OR2AG2: variants seen among roughly 807,000 people sequenced by gnomAD.
The protein encoded by OR2AG2 is olfactory receptor family 2 subfamily AG member 2.
For missense variants in OR2AG2, 390 were observed against 391.9 expected, an observed-to-expected ratio of 1.00 and a Z score of 0.04; for synonymous variants, 167 against 157.1, an observed-to-expected ratio of 1.06 and a Z score of -0.47.
Position 6,767,976 on chromosome 11 carries a change from G to A in OR2AG2, c.*31C>T. Reference sequence around the variant, plus strand: ...TGAGTAGAGAATTTTATCTGGAGGAGGAATGGTGAGAGGCAAGCCATGATC... The same window carrying A: ...TGAGTAGAGAATTTTATCTGGAGGAAGAATGGTGAGAGGCAAGCCATGATC... On this transcript the variant is annotated 3_prime_UTR_variant, in exon 2 of 2. Coordinates refer to ENST00000641124, the MANE Select transcript of OR2AG2 (RefSeq NM_001004490.2). 6.5e-7 allele frequency: 1 copy of A among 1,547,334 alleles called. No homozygotes were observed. The highest frequency in any genetic ancestry group is 8.8e-7 in the Non-Finnish European group (1 of 1,139,122).
chr11:6,768,921 T>C lies in OR2AG2; in HGVS notation c.37A>G (p.Ile13Val). ...CTGTCATTCAGAATCCCCACCAAGA[T>C]GAAGCCGCTTCCCAAGGTGGAGTTC... Reference protein sequence around the residue: ...LRNSTLGSGFILVGILNDSGS... With the variant: ...LRNSTLGSGFVLVGILNDSGS... The change falls in exon 2 of 2, where the codon ATC becomes GTC. Residue 13 changes from isoleucine to valine, a missense_variant. Physicochemically the swap from Ile to Val is conservative, Grantham distance 29. Transcript: ENST00000641124. The C allele has an allele frequency of 1.2e-6, 2 of 1,612,160 alleles. No homozygotes were observed. The highest frequency in any genetic ancestry group is 1.7e-6 in the Non-Finnish European group (2 of 1,178,358).
At position 6,769,057 on chromosome 11, in the gene OR2AG2, T is replaced by C. The variant is rs1847417188; in HGVS notation, c.-100A>G. On this transcript the variant is annotated 5_prime_UTR_variant, in exon 2 of 2. Coordinates refer to ENST00000641124, the MANE Select transcript of OR2AG2 (RefSeq NM_001004490.2). ...TGGATTGTTCTAGGTCACTGTGCAT[T>C]GGCCAATAGGAATCCCATAATATGA... 9.5e-6 allele frequency: 7 copies of C among 735,922 alleles called. No homozygotes were observed. In the Middle Eastern group the frequency reaches 2.6e-3, roughly 275 times the overall value. 45.6% of individuals were successfully genotyped at this position (735,922 alleles called of 1,614,324 possible). A position where few individuals can be genotyped will look rare whatever the true frequency, so the allele number is the denominator to read the frequency against.
chr11:6,768,991 A>G lies in OR2AG2; in HGVS notation c.-34T>C, dbSNP rs1847416483. On this transcript the variant is annotated 5_prime_UTR_variant, in exon 2 of 2. Coordinates refer to ENST00000641124, the MANE Select transcript of OR2AG2 (RefSeq NM_001004490.2). The stretch of plus-strand genomic sequence containing the variant: ...TTTTTAGTTGCCTAGAACCAAATAT[A>G]TTATCAGTGGAAGCTTTTCTAAAGG... 2 of 1,493,334 alleles carry G rather than the reference A, an allele frequency of 1.3e-6. No homozygotes were observed. Among genetic ancestry groups the G allele is most frequent in the South Asian group, 1.2e-5 (1 of 82,952 alleles). The allele number at this position is 1,493,334 out of a possible 1,614,324, so 92.5% of individuals were successfully genotyped here. A position where few individuals can be genotyped will look rare whatever the true frequency, so the allele number is the denominator to read the frequency against.
chr11:6,768,142 G>A lies in OR2AG2; in HGVS notation c.816C>T (p.Asn272=), dbSNP rs1414054216. 1 of 1,614,186 alleles carries A rather than the reference G, an allele frequency of 6.2e-7. No individual in the cohort carries two copies. The highest frequency in any genetic ancestry group is 8.5e-7 in the Non-Finnish European group (1 of 1,180,014). ...PSSFHSPKQD[N]IISVFYTIVT... is the part of the protein sequence containing the mutation. ...CAATTGTGTAGAAAACAGAGATGAT[G>A]TTGTCTTGTTTGGGGCTGTGGAAGG... Residue 272 remains asparagine (N), a synonymous_variant, in exon 2 of 2, where the codon AAC becomes AAT. Coordinates refer to ENST00000641124, the MANE Select transcript of OR2AG2 (RefSeq NM_001004490.2).
chr11:6,767,890 A>G lies in OR2AG2; in HGVS notation c.*117T>C. Reference sequence around the variant, plus strand: ...GTAAAATTTAAAAAATGTATCTATCATCTCAGAGTACAGTATTGAAGAATG... The same window carrying G: ...GTAAAATTTAAAAAATGTATCTATCGTCTCAGAGTACAGTATTGAAGAATG... On this transcript the variant is annotated 3_prime_UTR_variant, in exon 2 of 2. Transcript: ENST00000641124. 1 of 806,396 alleles carries G rather than the reference A, an allele frequency of 1.2e-6. No individual in the cohort carries two copies. The highest frequency in any genetic ancestry group is 3.0e-5 in the Admixed American group (1 of 33,702). 50.0% of individuals were successfully genotyped at this position (806,396 alleles called of 1,614,324 possible). A position where few individuals can be genotyped will look rare whatever the true frequency, so the allele number is the denominator to read the frequency against.
rs1282032080 is a variant in OR2AG2 at position 6,768,758 on chromosome 11, G to A, written c.200C>T (p.Ser67Phe). ...AGATGTGAACAGGAGGTCCATGAGA[G>A]AGAGCTGCCCAAGCAGGAGGTACAT... ...MPMYLLLGQL[S>F]LMDLLFTSVV... The change falls in exon 2 of 2, where the codon TCT (serine) becomes TTT (phenylalanine). Residue 67 changes from serine (S) to phenylalanine (F), a missense_variant. Ser to Phe is a radical substitution (Grantham distance 155). Coordinates refer to ENST00000641124, the MANE Select transcript of OR2AG2 (RefSeq NM_001004490.2). 6 of 1,614,056 alleles carry A rather than the reference G, an allele frequency of 3.7e-6. No individual in the cohort carries two copies. Among genetic ancestry groups the A allele is most frequent in the Non-Finnish European group, 5.1e-6 (6 of 1,180,040 alleles).
chr11:6,770,470 C>T (rs1475260730), intron 1 of OR2AG2, among the ~76,000 whole-genome samples: 1 of 152,030 alleles, frequency 6.6e-6, no homozygotes, highest in African/African-American at 2.4e-5. Context: ...GAATGTCCTC[C>T]TTGCACTTTT....
At position 6,766,508 on chromosome 11, in the gene OR2AG2, CTTTTA is replaced by C. The variant is rs1387416762; in HGVS notation, c.*1494_*1498del. 2 of 151,756 alleles carry C rather than the reference CTTTTA, an allele frequency of 1.3e-5. No homozygotes were observed. The highest frequency in any genetic ancestry group is 4.8e-5 in the African/African-American group (2 of 41,360). The allele number at this position is 151,756 out of a possible 1,614,324, so 9.4% of individuals were successfully genotyped here. Reference sequence around the variant, plus strand: ...GATTAATTTTATAGATTAGCTTTATCTTTTATTTTTTATGGTTTAGCTTTATAGAT... The same window carrying C: ...GATTAATTTTATAGATTAGCTTTATCTTTTTTATGGTTTAGCTTTATAGAT... On this transcript the variant is annotated 3_prime_UTR_variant, in exon 2 of 2. Transcript: ENST00000641124.
At position 6,768,983 on chromosome 11, in the gene OR2AG2, C is replaced by T; in HGVS notation, c.-26G>A. 6.5e-7 allele frequency: 1 copy of T among 1,536,726 alleles called. No individual in the cohort carries two copies. Among genetic ancestry groups the T allele is most frequent in the Non-Finnish European group, 8.9e-7 (1 of 1,120,314 alleles). ...GATGTGTTTTTTTAGTTGCCTAGAA[C>T]CAAATATATTATCAGTGGAAGCTTT... On this transcript the variant is annotated 5_prime_UTR_variant, in exon 2 of 2. Transcript: ENST00000641124.
Position 6,767,730 on chromosome 11 carries a change from T to C in OR2AG2, c.*277A>G. 2.4e-6 allele frequency: 1 copy of C among 417,900 alleles called. No homozygotes were observed. The highest frequency in any genetic ancestry group is 4.2e-6 in the Non-Finnish European group (1 of 235,296). 25.9% of individuals were successfully genotyped at this position (417,900 alleles called of 1,614,324 possible). A position where few individuals can be genotyped will look rare whatever the true frequency, so the allele number is the denominator to read the frequency against. ...AGGACGATGCCTACCACAGAGTGAG[T>C]CTACAACACCCATTCAAGGCTTTTC... On this transcript the variant is annotated 3_prime_UTR_variant, in exon 2 of 2. Transcript: ENST00000641124.
chr11:6,771,508 A>T (rs1034259123), intron 1 of OR2AG2, 114 bp downstream of exon 1: 1 of 152,290 alleles, frequency 6.6e-6, no homozygotes, highest in Non-Finnish European at 1.5e-5. Flanking sequence ...TGAGTGAATC[A>T]TAAAGCCTGA....
At position 6,768,513 on chromosome 11, in the gene OR2AG2, A is replaced by G. The variant is rs1305075806; in HGVS notation, c.445T>C (p.Trp149Arg). ...RVCWIMVATS[W>R]ILASLIAIGH... ...ATAGCAATCAGGGATGCCAGGATCC[A>G]GGATGTGGCCACCATGATCCAGCAG... Residue 149 changes from tryptophan to arginine, a missense_variant, in exon 2 of 2, where the codon TGG (tryptophan) becomes CGG (arginine). Transcript: ENST00000641124. 6.2e-7 allele frequency: 1 copy of G among 1,614,170 alleles called. No individual in the cohort carries two copies. The highest frequency in any genetic ancestry group is 1.1e-5 in the South Asian group (1 of 91,080).
chr11:6,770,269 T>C (rs925858489), intron 1 of OR2AG2, among the ~76,000 whole-genome samples: 4 of 150,512 alleles, frequency 2.7e-5, no homozygotes, highest in Non-Finnish European at 5.9e-5. Flanking sequence ...GAAAAAAAAA[T>C]ACATGAAAGA....
chr11:6,767,970 G>A lies in OR2AG2; in HGVS notation c.*37C>T, dbSNP rs1348777549. The A allele has an allele frequency of 5.9e-6, 9 of 1,522,574 alleles. No homozygotes were observed. The Admixed American group carries it at 1.7e-4, about 29-fold the overall frequency. 94.3% of individuals were successfully genotyped at this position (1,522,574 alleles called of 1,614,324 possible). A position where few individuals can be genotyped will look rare whatever the true frequency, so the allele number is the denominator to read the frequency against. On this transcript the variant is annotated 3_prime_UTR_variant, in exon 2 of 2. Transcript: ENST00000641124. ...AATGAGTGAGTAGAGAATTTTATCT[G>A]GAGGAGGAATGGTGAGAGGCAAGCC...
Position 6,768,998 on chromosome 11 carries a change from G to C in OR2AG2, c.-41C>G. 1.4e-6 allele frequency: 2 copies of C among 1,456,596 alleles called. No homozygotes were observed. The highest frequency in any genetic ancestry group is 1.9e-6 in the Non-Finnish European group (2 of 1,057,010). The allele number at this position is 1,456,596 out of a possible 1,614,324, so 90.2% of individuals were successfully genotyped here. Reference sequence around the variant, plus strand: ...TTGCCTAGAACCAAATATATTATCAGTGGAAGCTTTTCTAAAGGTGTTCAC... The same window carrying C: ...TTGCCTAGAACCAAATATATTATCACTGGAAGCTTTTCTAAAGGTGTTCAC... On this transcript the variant is annotated 5_prime_UTR_variant, in exon 2 of 2. Transcript: ENST00000641124.
At position 6,766,501 on chromosome 11, in the gene OR2AG2, G is replaced by C. The variant is rs1847376086; in HGVS notation, c.*1506C>G. ...AAAGTTGGATTAATTTTATAGATTA[G>C]CTTTATCTTTTATTTTTTATGGTTT... is the stretch of plus-strand genomic sequence containing the variant. On this transcript the variant is annotated 3_prime_UTR_variant, in exon 2 of 2. Transcript: ENST00000641124. The C allele has an allele frequency of 6.6e-6, 1 of 151,652 alleles. No homozygotes were observed. Among genetic ancestry groups the C allele is most frequent in the Non-Finnish European group, 1.5e-5 (1 of 67,904 alleles). The allele number at this position is 151,652 out of a possible 1,614,324, so 9.4% of individuals were successfully genotyped here. A position where few individuals can be genotyped will look rare whatever the true frequency, so the allele number is the denominator to read the frequency against.
Position 6,767,967 on chromosome 11 carries a change from T to C in OR2AG2, c.*40A>G, listed in dbSNP as rs535510241. The C allele has an allele frequency of 2.5e-5, 38 of 1,520,134 alleles. No individual in the cohort carries two copies. In the East Asian group the frequency reaches 7.9e-4, roughly 32 times the overall value. The allele number at this position is 1,520,134 out of a possible 1,614,324, so 94.2% of individuals were successfully genotyped here. A position where few individuals can be genotyped will look rare whatever the true frequency, so the allele number is the denominator to read the frequency against. On this transcript the variant is annotated 3_prime_UTR_variant, in exon 2 of 2. Coordinates refer to ENST00000641124, the MANE Select transcript of OR2AG2 (RefSeq NM_001004490.2). Reference sequence around the variant, plus strand: ...AGGAATGAGTGAGTAGAGAATTTTATCTGGAGGAGGAATGGTGAGAGGCAA... The same window carrying C: ...AGGAATGAGTGAGTAGAGAATTTTACCTGGAGGAGGAATGGTGAGAGGCAA...
chr11:6,767,803 G>T lies in OR2AG2; in HGVS notation c.*204C>A. On this transcript the variant is annotated 3_prime_UTR_variant, in exon 2 of 2. Transcript: ENST00000641124. ...CATGGGTTTCCAAAGTCAGGATGAT[G>T]TGTGCCAAATGAGTTTAACTCAAGA... 1 of 534,996 alleles carries T rather than the reference G, an allele frequency of 1.9e-6. No homozygotes were observed. Among genetic ancestry groups the T allele is most frequent in the Non-Finnish European group, 3.2e-6 (1 of 308,352 alleles). 33.1% of individuals were successfully genotyped at this position (534,996 alleles called of 1,614,324 possible).
Position 6,767,992 on chromosome 11 carries a change from AGC to A in OR2AG2, c.*13_*14del, listed in dbSNP as rs773651101. The stretch of plus-strand genomic sequence containing the variant: ...TCTGGAGGAGGAATGGTGAGAGGCA[AGC>A]CATGATCCTTCCCTAGAGCGTGGAA... On this transcript the variant is annotated 3_prime_UTR_variant, in exon 2 of 2. Coordinates refer to ENST00000641124, the MANE Select transcript of OR2AG2 (RefSeq NM_001004490.2). 6.3e-7 allele frequency: 1 copy of A among 1,584,924 alleles called. No individual in the cohort carries two copies. The highest frequency in any genetic ancestry group is 1.3e-5 in the African/African-American group (1 of 74,312).
Sources: allele counts gnomAD v4.1 joint callset (sites outside exome capture counted in the v4.1 genomes callset), GRCh38; gene constraint gnomAD v4.1.1; transcripts MANE v1.5; gene names NCBI Gene and HGNC (gene_info 2026-07-23, HGNC 2026-07-21).